MACF1: variants seen among roughly 807,000 people sequenced by gnomAD.
The protein encoded by MACF1 is microtubule actin crosslinking factor 1, also known as microtubule-actin cross-linking factor 1.
A neutral mutation model predicts 854.8 loss-of-function variants in MACF1; 193 were observed. The observed-to-expected ratio is 0.23, with a 90% CI of 0.20 to 0.25. The LOEUF is 0.25. Among genes scored for constraint, MACF1 ranks in the 10% least tolerant of loss-of-function variants. The pLI, the probability that MACF1 is intolerant of heterozygous loss-of-function variation, is 1.00. For synonymous variants in MACF1, 3,185 were observed against 3,226.7 expected (o/e 0.99, Z 0.44); for missense variants, 7,722 against 8,929.1 (o/e 0.86, Z 5.45).
chr1:39,250,176 C>G, intron 3 of MACF1, 73 bp downstream of exon 3: 5 of 971,198 alleles, frequency 5.1e-6, no homozygotes, highest in Non-Finnish European at 8.2e-6. Context: ...TCATTGAGTG[C>G]AAGGGCAGCA....
chr1:39,316,340 T>G, intron 27 of MACF1, 51 bp from the exon 28 acceptor site: 1 of 1,529,544 alleles, frequency 6.5e-7, no homozygotes, highest in Admixed American at 1.8e-5. Flanking sequence ...TATATAACCC[T>G]GGCTCCTAAA....
intron 79 of MACF1, among the ~76,000 whole-genome samples, chr1:39,444,381 T>C (rs1301567752): frequency 1.3e-5 from 2 of 152,226 alleles, no homozygotes; most frequent in African/African-American, 4.8e-5. Context: ...ATTATTTTAA[T>C]ATTTTAATTT....
In MACF1 at chr1:39,337,329, A is replaced by C; in HGVS notation, c.10213A>C (p.Lys3405Gln). 6.2e-7 allele frequency: 1 copy of C among 1,613,430 alleles called. No individual in the cohort carries two copies. Among genetic ancestry groups the C allele is most frequent in the Non-Finnish European group, 8.5e-7 (1 of 1,179,756 alleles). Residue 3405 changes from lysine to glutamine, a missense_variant and splice_region_variant, in exon 38 of 101, where the codon AAG becomes CAG. Lys to Gln is a moderately conservative substitution (Grantham distance 53). Coordinates refer to ENST00000564288, the MANE Select transcript of MACF1 (RefSeq NM_001394062.1). ...ACTACAGGATCTGCTGTGTCAGGCC[A>C]AGGTAGGTTCCCAGAGACTTCCACC... Reference protein sequence around the residue: ...AELQDLLCQAKVLERELKDLT... With the variant: ...AELQDLLCQAQVLERELKDLT...
intron 6 of MACF1, chr1:39,269,670 G>A: frequency 7.8e-7 from 1 of 1,289,768 alleles, no homozygotes; most frequent in Non-Finnish European, 1.0e-6. Flanking sequence ...AGAAGAGGAT[G>A]GCACTCTTTC....
In MACF1 at chr1:39,105,570, C is replaced by G. The variant is rs1642208053; in HGVS notation, c.220+21132C>G. On this transcript the variant is annotated intron_variant, in intron 2 of 93. Coordinates refer to the MACF1 transcript ENST00000361689. This position sits in a 1 kb window ranked among gnomAD's most constrained non-coding sequence, Gnocchi z 5.9. ...CTGGGGCCGCCGCCGCCTCAGCGCG[C>G]GGGCCTGGAACCGGCAGCCCCCGGG... is the stretch of plus-strand genomic sequence containing the variant. 12 of 1,114,494 alleles carry G rather than the reference C, an allele frequency of 1.1e-5. No individual in the cohort carries two copies. Among genetic ancestry groups the G allele is most frequent in the Non-Finnish European group, 1.2e-5 (11 of 905,788 alleles). 69.0% of individuals were successfully genotyped at this position (1,114,494 alleles called of 1,614,324 possible).
At chr1:39,412,520 AG>A (rs1241982452) in intron 58 of MACF1, 11 of 1,613,886 alleles carry the variant, frequency 6.8e-6, no homozygotes, top group Non-Finnish European at 8.5e-6. Flanking sequence ...CAGGATCTCC[AG>A]AGGAAGTCCC....
At chr1:39,261,509 T>G (rs984334444) in intron 6 of MACF1, among the ~76,000 whole-genome samples, 1 of 152,226 alleles carries the variant, frequency 6.6e-6, no homozygotes, top group Non-Finnish European at 1.5e-5. Flanking sequence ...ATTTTCTATC[T>G]TGATAGATTT....
chr1:39,476,947 T>C (rs989118235), intron 97 of MACF1, among the ~76,000 whole-genome samples: 3 of 147,674 alleles, frequency 2.0e-5, no homozygotes, highest in Non-Finnish European at 3.0e-5. Context: ...GCTGACCACT[T>C]CTCCCTGCCC....
At chr1:39,429,182 C>T (rs568507125) in intron 63 of MACF1, 60 bp from the exon 64 acceptor site, 60 of 849,822 alleles carry the variant, frequency 7.1e-5, no homozygotes, top group African/African-American at 7.0e-4. Context: ...TTAAAGGTCT[C>T]GCATTTTGTT....
intron 35 of MACF1, among the ~76,000 whole-genome samples, chr1:39,326,226 A>G (rs1381304395): frequency 1.3e-5 from 2 of 152,228 alleles, no homozygotes; most frequent in Non-Finnish European, 2.9e-5. Context: ...TTGAATCAAC[A>G]GAGTTCATTC....
At chr1:39,236,547 T>C (rs555747388) in intron 2 of MACF1, among the ~76,000 whole-genome samples, 1 of 152,386 alleles carries the variant, frequency 6.6e-6, no homozygotes, top group South Asian at 2.1e-4. Context: ...AGTGTTTATA[T>C]ACATGGTGTA....
chr1:39,173,084 A>G (rs959524942), intron 2 of MACF1, among the ~76,000 whole-genome samples: 1 of 152,136 alleles, frequency 6.6e-6, no homozygotes, highest in South Asian at 2.1e-4. Flanking sequence ...GGCTTTGCCT[A>G]TAATCCCAGC....
chr1:39,477,071 A>ATATACACACACATATATACACTTAGTG (rs1557674951), intron 97 of MACF1, among the ~76,000 whole-genome samples: 35 of 16,814 alleles, frequency 2.1e-3, no homozygotes, highest in East Asian at 9.5e-3. Context: ...ATATATATAT[A>ATATACACACACATATATACACTTAGTG]TATATATATA....
intron 2 of MACF1, among the ~76,000 whole-genome samples, chr1:39,172,262 C>A (rs1188840965): frequency 6.6e-6 from 1 of 152,112 alleles, no homozygotes; most frequent in Non-Finnish European, 1.5e-5. Flanking sequence ...TCCCCACTGC[C>A]TAGAATTCTC....
In MACF1 at chr1:39,443,557, C is replaced by T; in HGVS notation, c.19414C>T (p.Gln6472Ter). ...AGGACTTCCTGAAACTGCTAGGGAA[C>T]AGCTTGATACACATATGGTAATAGC... is the stretch of plus-strand genomic sequence containing the variant. ...TGGLPETARE[Q>*]LDTHMELYSQ... The change falls in exon 79 of 101, where the codon CAG becomes TAG. Residue 6472 changes from glutamine to a stop codon, truncating the protein, a stop_gained. Coordinates refer to ENST00000564288, the MANE Select transcript of MACF1 (RefSeq NM_001394062.1). LOFTEE classifies it high-confidence loss of function. 6.2e-7 allele frequency: 1 copy of T among 1,609,202 alleles called. No individual in the cohort carries two copies. The highest frequency in any genetic ancestry group is 8.5e-7 in the Non-Finnish European group (1 of 1,178,684).
upstream of MACF1, among the ~76,000 whole-genome samples, chr1:39,200,895 C>T (rs1478008301): frequency 5.3e-5 from 8 of 151,992 alleles, no homozygotes; most frequent in Admixed American, 2.0e-4. Context: ...GGCAACATGG[C>T]GAAACCCGGT....
At chr1:39,365,636 C>CA (rs1262691476) in intron 49 of MACF1, among the ~76,000 whole-genome samples, 1 of 152,018 alleles carries the variant, frequency 6.6e-6, no homozygotes, top group African/African-American at 2.4e-5. Flanking sequence ...ATCATATACA[C>CA]AATTTTTATA....
At chr1:39,116,920 A>G (rs1011318245) in intron 2 of MACF1, among the ~76,000 whole-genome samples, 8 of 151,514 alleles carry the variant, frequency 5.3e-5, no homozygotes, top group Admixed American at 3.9e-4. Flanking sequence ...TAGCTTTACT[A>G]CTCTCCCCAG....
intron 5 of MACF1, 84 bp from the exon 6 acceptor site, chr1:39,257,851 TG>T (rs1266086178): frequency 2.1e-6 from 2 of 969,674 alleles, no homozygotes; most frequent in Admixed American, 2.0e-5. Flanking sequence ...TCAGTTTAAC[TG>T]TAAATCAATA....
Sources: allele counts gnomAD v4.1 joint callset (sites outside exome capture counted in the v4.1 genomes callset), GRCh38; gene constraint gnomAD v4.1.1; non-coding constraint Gnocchi (gnomAD v3.1); transcripts MANE v1.5; gene names NCBI Gene and HGNC (gene_info 2026-07-23, HGNC 2026-07-21).